Variants in TTC7B observed in about 807,000 individuals in gnomAD.
The protein encoded by TTC7B is tetratricopeptide repeat protein 7B.
In TTC7B, 28 loss-of-function variants were observed where a neutral mutation model predicts 106.8. That is an observed-to-expected ratio of 0.26 (90% CI 0.19 to 0.36). The LOEUF (loss-of-function observed/expected upper bound fraction) is 0.36, where lower values mean the gene tolerates loss of function less well. TTC7B is among the 10% of genes least tolerant of loss of function. The pLI, the probability that TTC7B is intolerant of heterozygous loss-of-function variation, is 1.00. For missense variants in TTC7B, 862 were observed against 1,076.4 expected (o/e 0.80, Z 2.79); for synonymous variants, 405 against 430.6 (o/e 0.94, Z 0.74).
chr14:90,710,694 C>A (rs1009460698), intron 5 of TTC7B, among the ~76,000 whole-genome samples: 4 of 152,178 alleles, frequency 2.6e-5, no homozygotes, highest in Middle Eastern at 3.2e-3. Context: ...AACCCTCTAC[C>A]AGCAAAAAGA....
intron 3 of TTC7B, among the ~76,000 whole-genome samples, chr14:90,774,481 C>A (rs1256600946): frequency 6.6e-6 from 1 of 152,216 alleles, no homozygotes; most frequent in East Asian, 1.9e-4. Flanking sequence ...TTAGGCCCTG[C>A]CCTCAGAAAG....
intron 7 of TTC7B, among the ~76,000 whole-genome samples, chr14:90,687,747 G>A (rs1220749244): frequency 1.3e-5 from 2 of 152,166 alleles, no homozygotes; most frequent in African/African-American, 2.4e-5. Flanking sequence ...AACACATATT[G>A]TGAATTAAGC....
At chr14:90,784,600 T>C (rs1210412783) in intron 2 of TTC7B, among the ~76,000 whole-genome samples, 1 of 151,756 alleles carries the variant, frequency 6.6e-6, no homozygotes, top group Non-Finnish European at 1.5e-5. Flanking sequence ...GAGATGGGGT[T>C]TCGCCATGTT....
chr14:90,721,433 G>A (rs1470277189), intron 5 of TTC7B, among the ~76,000 whole-genome samples: 1 of 152,152 alleles, frequency 6.6e-6, no homozygotes, highest in African/African-American at 2.4e-5. Flanking sequence ...TGGCATTAAG[G>A]GATGAGCAAG....
chr14:90,635,580 G>GA (rs1477873585), intron 15 of TTC7B, among the ~76,000 whole-genome samples: 1 of 151,644 alleles, frequency 6.6e-6, no homozygotes, highest in Non-Finnish European at 1.5e-5. Flanking sequence ...CTAACACAGT[G>GA]AAACCCCATC....
chr14:90,617,520 G>A (rs1400140840), intron 16 of TTC7B, among the ~76,000 whole-genome samples: 1 of 152,130 alleles, frequency 6.6e-6, no homozygotes, highest in Non-Finnish European at 1.5e-5. Flanking sequence ...AGTAGCATGC[G>A]GCCTGATGTC....
At chr14:90,659,542 A>T (rs1003346167) in intron 9 of TTC7B, among the ~76,000 whole-genome samples, 3 of 152,048 alleles carry the variant, frequency 2.0e-5, no homozygotes, top group Non-Finnish European at 1.5e-5. Flanking sequence ...GAGAAAAGGG[A>T]TCTGGAAAGG....
chr14:90,763,524 C>G (rs532993144), intron 3 of TTC7B, among the ~76,000 whole-genome samples: 60 of 152,098 alleles, frequency 3.9e-4, no homozygotes, highest in South Asian at 1.2e-3. Flanking sequence ...TTAGGCAATA[C>G]AAAGCAACAA....
rs1441809095 is a variant in TTC7B at position 90,759,208 on chromosome 14, CTG to C, written c.446-14288_446-14287del. On this transcript the variant is annotated intron_variant, in intron 3 of 19. Coordinates refer to ENST00000328459, the MANE Select transcript of TTC7B (RefSeq NM_001010854.2). The surrounding 1 kb of genome is among the most constrained non-coding windows in gnomAD (Gnocchi z 4.1). The stretch of plus-strand genomic sequence containing the variant: ...ACTCTCTCCTTCTCCACAGAACAAT[CTG>C]TGTTCTGCTCCCGCCCCCGAGAGAG... Among the ~76,000 whole-genome samples, 3 of 152,150 alleles carry C rather than the reference CTG, an allele frequency of 2.0e-5. No individual in the cohort carries two copies. Among genetic ancestry groups the C allele is most frequent in the Non-Finnish European group, 4.4e-5 (3 of 68,026 alleles).
rs1214666998 is a variant in TTC7B, at chr14:90,577,046, A to G, written c.2310+1060T>C. Among the ~76,000 whole-genome samples, 2 of 152,218 alleles carry G rather than the reference A, an allele frequency of 1.3e-5. No homozygotes were observed. The highest frequency in any genetic ancestry group is 6.5e-5 in the Admixed American group (1 of 15,280). ...AACTGTGTCCTCAGACTCCCTGTCC[A>G]GTGCTCACTCTTCCATATCACACAC... On this transcript the variant is annotated intron_variant, in intron 19 of 19. Transcript: ENST00000328459. This position sits in a 1 kb window ranked among gnomAD's most constrained non-coding sequence, Gnocchi z 5.0.
At chr14:90,554,489 T>A (rs971160643) in intron 19 of TTC7B, among the ~76,000 whole-genome samples, 4 of 152,214 alleles carry the variant, frequency 2.6e-5, no homozygotes, top group Non-Finnish European at 4.4e-5. Flanking sequence ...TTTCCTCCCC[T>A]CTACAAACAC....
chr14:90,665,278 C>T (rs1886366296), intron 9 of TTC7B, among the ~76,000 whole-genome samples: 1 of 152,194 alleles, frequency 6.6e-6, no homozygotes, highest in African/African-American at 2.4e-5. Context: ...TCATTTAATA[C>T]CATGAATATT....
chr14:90,639,504 A>G (rs915537664), intron 15 of TTC7B, among the ~76,000 whole-genome samples: 2 of 152,216 alleles, frequency 1.3e-5, no homozygotes, highest in African/African-American at 2.4e-5. Flanking sequence ...ATTAACCAGC[A>G]ACCATTCTGC....
intron 2 of TTC7B, among the ~76,000 whole-genome samples, chr14:90,782,442 T>C (rs1360630706): frequency 6.6e-6 from 1 of 151,982 alleles, no homozygotes. Flanking sequence ...CTACTAAAAA[T>C]ACAAAAATTA....
rs1288095917 is a variant in TTC7B at position 90,525,895 on chromosome 14, T to G, written c.*15473A>C. On this transcript the variant is annotated 3_prime_UTR_variant, in exon 20 of 20. Coordinates refer to ENST00000328459, the MANE Select transcript of TTC7B (RefSeq NM_001010854.2). ...GTGGAAGAGTACCAGGACATGGGGGTGGGGGTTGGGGCAAAGCTTTGCTCC... is the reference window on the plus strand; with the variant it reads ...GTGGAAGAGTACCAGGACATGGGGGGGGGGGTTGGGGCAAAGCTTTGCTCC... 2.2e-5 allele frequency: 3 copies of G among 133,796 alleles called. No individual in the cohort carries two copies. Among genetic ancestry groups the G allele is most frequent in the Admixed American group, 7.5e-5 (1 of 13,386 alleles). The allele number at this position is 133,796 out of a possible 1,614,324, so 8.3% of individuals were successfully genotyped here.
intron 19 of TTC7B, among the ~76,000 whole-genome samples, chr14:90,574,237 G>A (rs558649383): frequency 3.3e-5 from 5 of 152,260 alleles, no homozygotes; most frequent in Non-Finnish European, 7.4e-5. Context: ...CATAGCACAC[G>A]AATAAATGTA....
At chr14:90,772,999 T>G (rs564662287) in intron 3 of TTC7B, 3 of 152,244 alleles carry the variant, frequency 2.0e-5, no homozygotes, top group African/African-American at 7.2e-5. Flanking sequence ...AAAATAAAAT[T>G]GTGGGGGATG....
At position 90,578,039 on chromosome 14, in the gene TTC7B, C is replaced by T. The variant is rs1891328112; in HGVS notation, c.2310+67G>A. On this transcript the variant is annotated intron_variant, in intron 19 of 19. Coordinates refer to ENST00000328459, the MANE Select transcript of TTC7B (RefSeq NM_001010854.2). This position sits in a 1 kb window ranked among gnomAD's most constrained non-coding sequence, Gnocchi z 4.7. ...CAGAAGAGGGTGTGAGGGTCATGTG[C>T]TACCTGCCGCTTCCAAGGGCTGTCC... 9 of 1,533,858 alleles carry T rather than the reference C, an allele frequency of 5.9e-6. No individual in the cohort carries two copies. The South Asian group carries it at 9.5e-5, about 16-fold the overall frequency.
At chr14:90,647,255 A>C in intron 13 of TTC7B, 1 of 479,466 alleles carries the variant, frequency 2.1e-6, no homozygotes, top group Non-Finnish European at 3.8e-6. Context: ...TTTGTCTAGC[A>C]TCTAAAATGG....
Sources: allele counts gnomAD v4.1 joint callset (sites outside exome capture counted in the v4.1 genomes callset), GRCh38; gene constraint gnomAD v4.1.1; non-coding constraint Gnocchi (gnomAD v3.1); transcripts MANE v1.5; gene names NCBI Gene and HGNC (gene_info 2026-07-23, HGNC 2026-07-21).